Variants in SP100 observed in about 807,000 individuals in gnomAD.
SP100 encodes nuclear autoantigen Sp-100.
In SP100, 84 loss-of-function variants were observed where a neutral mutation model predicts 130.0. The observed-to-expected ratio is 0.65, with a 90% CI of 0.54 to 0.77. The LOEUF is 0.77. Among genes scored for constraint, SP100 ranks in the 30% least tolerant of loss-of-function variants. The pLI, the probability that SP100 is intolerant of heterozygous loss-of-function variation, is 0.00. For synonymous variants in SP100, 331 were observed against 351.7 expected, an observed-to-expected ratio of 0.94 and a Z score of 0.66; for missense variants, 978 against 1,052.2, an observed-to-expected ratio of 0.93 and a Z score of 0.97.
intron 19 of SP100, among the ~76,000 whole-genome samples, chr2:230,500,707 T>C (rs1300096276): frequency 2.0e-5 from 3 of 152,114 alleles, no homozygotes; most frequent in African/African-American, 7.2e-5. Flanking sequence ...CCAGTTTTCC[T>C]GGGTGCACCT....
intron 17 of SP100, among the ~76,000 whole-genome samples, chr2:230,486,148 T>G (rs1575718028): frequency 6.6e-6 from 1 of 152,052 alleles, no homozygotes; most frequent in Non-Finnish European, 1.5e-5. Context: ...CAGCGGAAGG[T>G]GAAGGGGAAG....
intron 18 of SP100, among the ~76,000 whole-genome samples, chr2:230,497,472 G>GAAA (rs2066731871): frequency 1.4e-5 from 1 of 69,126 alleles, no homozygotes; most frequent in Non-Finnish European, 2.9e-5. Flanking sequence ...AGGGAAGGAG[G>GAAA]GGAGGGGAGG....
At chr2:230,440,998 C>T (rs1190660911) in intron 2 of SP100, among the ~76,000 whole-genome samples, 1 of 151,932 alleles carries the variant, frequency 6.6e-6, no homozygotes, top group Non-Finnish European at 1.5e-5. Flanking sequence ...TTACAGATTT[C>T]TTCCCATCAA....
At chr2:230,525,048 A>C (rs1007057291) in intron 24 of SP100, among the ~76,000 whole-genome samples, 7 of 152,214 alleles carry the variant, frequency 4.6e-5, no homozygotes, top group African/African-American at 1.7e-4. Flanking sequence ...AAAGAGAGTT[A>C]TGGATATCAA....
At chr2:230,428,361 A>G (rs1042053254) in intron 2 of SP100, among the ~76,000 whole-genome samples, 3 of 152,192 alleles carry the variant, frequency 2.0e-5, no homozygotes, top group African/African-American at 7.2e-5. Context: ...AAAACTTACA[A>G]TCATGGTGGA....
intron 26 of SP100, 97 bp from the exon 27 acceptor site, chr2:230,541,204 T>G: frequency 7.8e-7 from 1 of 1,278,892 alleles, no homozygotes; most frequent in Non-Finnish European, 1.1e-6. Flanking sequence ...TTTCAAAGAG[T>G]CCACAGGTTT....
In SP100 at chr2:230,543,715, T is replaced by A. The variant is rs1692247778; in HGVS notation, c.*769T>A. 6.6e-6 allele frequency: 1 copy of A among 152,160 alleles called. No individual in the cohort carries two copies. The highest frequency in any genetic ancestry group is 1.5e-5 in the Non-Finnish European group (1 of 68,024). 9.4% of individuals were successfully genotyped at this position (152,160 alleles called of 1,614,324 possible). On this transcript the variant is annotated 3_prime_UTR_variant, in exon 29 of 29. Coordinates refer to ENST00000340126, the MANE Select transcript of SP100 (RefSeq NM_001080391.2). ...TCCTGTGTAGAAACAGTCAATATCA[T>A]TAAAATGACCATACTGCCCAAAGCA...
intron 24 of SP100, chr2:230,515,890 C>T: frequency 8.2e-7 from 1 of 1,225,528 alleles, no homozygotes; most frequent in African/African-American, 1.5e-5. Context: ...AAATTTAAAG[C>T]AGGTTCTTGT....
chr2:230,508,508 G>A (rs576475321), intron 23 of SP100: 1 of 152,574 alleles, frequency 6.6e-6, no homozygotes, highest in East Asian at 1.9e-4. Flanking sequence ...AGTAGAGATG[G>A]AGTTTCACCA....
rs10211069 is a variant in SP100, at chr2:230,463,307, A to G, written c.1058-760A>G. 7.6e-3 allele frequency among the ~76,000 whole-genome samples: 1,165 copies of G among 152,348 alleles called. 19 individuals carry two copies. The highest frequency in any genetic ancestry group is 0.027 in the African/African-American group (1,113 of 41,584). On this transcript the variant is annotated intron_variant, in intron 10 of 28. Transcript: ENST00000340126. ...ATTATTAAAATCTTGTATTATCTCA[A>G]TCCTATTTGCAGCATGAGTTGTCAT...
intron 24 of SP100, among the ~76,000 whole-genome samples, chr2:230,527,101 G>A (rs893366118): frequency 3.9e-5 from 6 of 152,070 alleles, no homozygotes; most frequent in Non-Finnish European, 5.9e-5. Context: ...CTTGAGAAGA[G>A]CAACCAGAAG....
At chr2:230,462,857 T>C (rs2064732618) in intron 10 of SP100, among the ~76,000 whole-genome samples, 1 of 152,232 alleles carries the variant, frequency 6.6e-6, no homozygotes, top group Non-Finnish European at 1.5e-5. Context: ...TAGATTTATA[T>C]AGTGATTTTT....
rs1690244856 is a variant in SP100, at chr2:230,507,939, C to A, written c.2014-54C>A. The A allele has an allele frequency of 4.6e-6, 7 of 1,534,848 alleles. 1 individual carries two copies. The highest frequency in any genetic ancestry group is 1.4e-5 in the African/African-American group (1 of 72,586). On this transcript the variant is annotated intron_variant, in intron 22 of 28. Transcript: ENST00000340126. ...TTGGAAGGCAGTCAGAAATACTAAGCTCACAAAATAAAAGCAAGAACCCAT... is the reference window on the plus strand; with the variant it reads ...TTGGAAGGCAGTCAGAAATACTAAGATCACAAAATAAAAGCAAGAACCCAT...
At chr2:230,518,240 C>A (rs1691016985) in intron 24 of SP100, among the ~76,000 whole-genome samples, 1 of 151,980 alleles carries the variant, frequency 6.6e-6, no homozygotes, top group African/African-American at 2.4e-5. Context: ...TTTAAAACAA[C>A]CTTAAATAAC....
At position 230,428,588 on chromosome 2, in the gene SP100, G is replaced by A. The variant is rs980755985; in HGVS notation, c.107+10923G>A. 1.8e-4 allele frequency among the ~76,000 whole-genome samples: 27 copies of A among 152,134 alleles called. 1 individual carries two copies. The highest frequency in any genetic ancestry group is 9.2e-4 in the Admixed American group (14 of 15,290). ...CTCCCGAGTAGCTGGGACTACAGGC[G>A]CCCGCCACCACACCCAGCTATTTTT... On this transcript the variant is annotated intron_variant, in intron 2 of 28. Coordinates refer to ENST00000340126, the MANE Select transcript of SP100 (RefSeq NM_001080391.2).
At chr2:230,533,057 A>G (rs1260653270) in intron 24 of SP100, among the ~76,000 whole-genome samples, 1 of 152,252 alleles carries the variant, frequency 6.6e-6, no homozygotes, top group Non-Finnish European at 1.5e-5. Flanking sequence ...CTGGGATTAC[A>G]GGCATAAGCC....
intron 17 of SP100, among the ~76,000 whole-genome samples, 172 bp from the exon 18 acceptor site, chr2:230,494,244 G>A (rs2066540689): frequency 6.6e-6 from 1 of 152,020 alleles, no homozygotes; most frequent in South Asian, 2.1e-4. Context: ...TTGCTTTGTG[G>A]TTATTGGTTT....
chr2:230,489,003 T>C (rs1285191732), intron 17 of SP100, among the ~76,000 whole-genome samples: 1 of 152,130 alleles, frequency 6.6e-6, no homozygotes, highest in Non-Finnish European at 1.5e-5. Context: ...GTGTTTCTCC[T>C]AGGTTTTGGT....
chr2:230,526,616 C>T (rs749980232), intron 24 of SP100, among the ~76,000 whole-genome samples: 3 of 152,060 alleles, frequency 2.0e-5, no homozygotes, highest in East Asian at 1.9e-4. Context: ...CAAACTTCTC[C>T]GAGCTAAAAG....
Sources: allele counts gnomAD v4.1 joint callset (sites outside exome capture counted in the v4.1 genomes callset), GRCh38; gene constraint gnomAD v4.1.1; transcripts MANE v1.5; gene names NCBI Gene and HGNC (gene_info 2026-07-23, HGNC 2026-07-21).